The following VPS53 variants were observed in gnomAD, a reference collection of about 807,000 sequenced individuals.
VPS53 encodes the protein VPS53 subunit of GARP complex, also known as vacuolar protein sorting-associated protein 53 homolog.
Under a neutral mutation model 107.0 loss-of-function variants are expected in VPS53, and 70 were observed. The ratio of observed to expected loss-of-function variants is 0.65; its 90% confidence interval spans 0.54 to 0.80. The LOEUF (loss-of-function observed/expected upper bound fraction) is 0.80, where lower values mean the gene tolerates loss of function less well. VPS53 is among the 30% of genes least tolerant of loss of function. VPS53 has a pLI of 0.00. For synonymous variants in VPS53, 409 were observed against 393.3 expected (o/e 1.04, Z -0.47); for missense variants, 917 against 1,049.4 (o/e 0.87, Z 1.74).
chr17:689,739 G>C (rs1314107638), intron 4 of VPS53, among the ~76,000 whole-genome samples: 3 of 152,110 alleles, frequency 2.0e-5, no homozygotes, highest in Non-Finnish European at 4.4e-5. Context: ...CTCCCAAAGT[G>C]TTGGGATTAC....
At position 517,545 on chromosome 17, in the gene VPS53, G is replaced by A; in HGVS notation, c.*1583C>T. On this transcript the variant is annotated 3_prime_UTR_variant, in exon 22 of 22. Transcript: ENST00000437048. ...CTATCCTGAAAACTTTTTGAGAAGGGGTCTTGCTCTGTCACCCAGGCTGGA... is the reference window on the plus strand; with the variant it reads ...CTATCCTGAAAACTTTTTGAGAAGGAGTCTTGCTCTGTCACCCAGGCTGGA... The A allele has an allele frequency of 2.5e-6, 1 of 397,738 alleles. No individual in the cohort carries two copies. The highest frequency in any genetic ancestry group is 4.4e-6 in the Non-Finnish European group (1 of 225,542). The allele number at this position is 397,738 out of a possible 1,614,324, so 24.6% of individuals were successfully genotyped here. A position where few individuals can be genotyped will look rare whatever the true frequency, so the allele number is the denominator to read the frequency against.
intron 4 of VPS53, among the ~76,000 whole-genome samples, chr17:690,722 G>C (rs1391313766): frequency 6.6e-6 from 1 of 150,776 alleles, no homozygotes; most frequent in Non-Finnish European, 1.5e-5. Context: ...GAAGAATAGT[G>C]TCTAAAATAA....
chr17:568,631 T>C (rs900393986), intron 13 of VPS53, among the ~76,000 whole-genome samples: 2 of 152,174 alleles, frequency 1.3e-5, no homozygotes, highest in African/African-American at 4.8e-5. Context: ...GTTGCTCTGG[T>C]GTGGCCAGTG....
chr17:555,905 T>C (rs1912302192), intron 15 of VPS53, among the ~76,000 whole-genome samples: 1 of 152,148 alleles, frequency 6.6e-6, no homozygotes, highest in African/African-American at 2.4e-5. Flanking sequence ...TGGGAAAATC[T>C]ACAGGGCAAA....
chr17:586,200 C>A, intron 13 of VPS53, 70 bp downstream of exon 13: 1 of 1,450,800 alleles, frequency 6.9e-7, no homozygotes, highest in Non-Finnish European at 9.7e-7. Flanking sequence ...GAGCTGTGCG[C>A]TCCTAAGACC....
chr17:641,646 A>G (rs1341075117), intron 7 of VPS53, among the ~76,000 whole-genome samples: 2 of 151,822 alleles, frequency 1.3e-5, no homozygotes, highest in African/African-American at 4.8e-5. Context: ...GTAGAGATGG[A>G]GTTTTGCCAT....
At chr17:708,185 C>T (rs1973491694) in intron 2 of VPS53, among the ~76,000 whole-genome samples, 1 of 152,186 alleles carries the variant, frequency 6.6e-6, no homozygotes, top group South Asian at 2.1e-4. Context: ...ACCACCAATG[C>T]ACAGAGTCCA....
At chr17:685,483 A>G (rs1221933728) in intron 4 of VPS53, among the ~76,000 whole-genome samples, 1 of 152,138 alleles carries the variant, frequency 6.6e-6, no homozygotes, top group East Asian at 1.9e-4. Context: ...GAGCTATTCA[A>G]CACTTTAGTA....
intron 17 of VPS53, among the ~76,000 whole-genome samples, chr17:543,253 T>G (rs12941141): frequency 1.3e-5 from 2 of 152,188 alleles, no homozygotes; most frequent in Non-Finnish European, 2.9e-5. Context: ...GAAACAGATC[T>G]GCATTTTAAT....
intron 11 of VPS53, among the ~76,000 whole-genome samples, chr17:618,756 C>G (rs1969291960): frequency 6.7e-6 from 1 of 149,620 alleles, no homozygotes; most frequent in African/African-American, 2.5e-5. Flanking sequence ...CCACCATGCC[C>G]CGCTAATATT....
chr17:584,999 T>C (rs898085090), intron 13 of VPS53, among the ~76,000 whole-genome samples: 2 of 152,176 alleles, frequency 1.3e-5, no homozygotes, highest in Non-Finnish European at 2.9e-5. Flanking sequence ...ATTTGGCAAA[T>C]GCCACAGAAA....
intron 17 of VPS53, among the ~76,000 whole-genome samples, chr17:544,933 T>A (rs1911063608): frequency 6.6e-6 from 1 of 151,836 alleles, no homozygotes; most frequent in Non-Finnish European, 1.5e-5. Context: ...TCAAGAAAAT[T>A]AGCCAGGTGT....
chr17:525,996 C>CAAAA (rs10677094), intron 19 of VPS53, among the ~76,000 whole-genome samples: 103 of 74,424 alleles, frequency 1.4e-3, no homozygotes, highest in Middle Eastern at 6.5e-3. Flanking sequence ...GACATTTTCT[C>CAAAA]AAAAAAAAAA....
intron 4 of VPS53, among the ~76,000 whole-genome samples, chr17:690,799 G>C (rs921687489): frequency 6.6e-6 from 1 of 152,194 alleles, no homozygotes; most frequent in Non-Finnish European, 1.5e-5. Context: ...GCAAATCCAA[G>C]GTAATGGAAG....
intron 14 of VPS53, among the ~76,000 whole-genome samples, chr17:561,801 T>A (rs1244645617): frequency 2.6e-5 from 4 of 152,134 alleles, no homozygotes; most frequent in Non-Finnish European, 5.9e-5. Context: ...AGCTGATTTT[T>A]GTATTTTTAG....
intron 17 of VPS53, among the ~76,000 whole-genome samples, chr17:543,396 G>C (rs899477638): frequency 6.6e-6 from 1 of 152,216 alleles, no homozygotes; most frequent in African/African-American, 2.4e-5. Context: ...TGTGCCAGAC[G>C]GTAAGAAAAT....
At chr17:657,685 A>G (rs1971248108) in intron 5 of VPS53, 2 of 554,772 alleles carry the variant, frequency 3.6e-6, no homozygotes, top group African/African-American at 3.8e-5. Context: ...CAAATACTGT[A>G]GTCACTGGAT....
At chr17:682,192 CA>C (rs1223822046) in intron 4 of VPS53, among the ~76,000 whole-genome samples, 3 of 152,056 alleles carry the variant, frequency 2.0e-5, no homozygotes, top group African/African-American at 7.2e-5. Context: ...CACTAAAACT[CA>C]AAAAGTGGTA....
At chr17:521,989 C>A (rs1247504722) in intron 19 of VPS53, among the ~76,000 whole-genome samples, 9 of 152,144 alleles carry the variant, frequency 5.9e-5, no homozygotes, top group Non-Finnish European at 1.0e-4. Context: ...AGCCGTGGCT[C>A]ACACCTGTAA....
Sources: allele counts gnomAD v4.1 joint callset (sites outside exome capture counted in the v4.1 genomes callset), GRCh38; gene constraint gnomAD v4.1.1; transcripts MANE v1.5; gene names NCBI Gene and HGNC (gene_info 2026-07-23, HGNC 2026-07-21).